Variants in CTNNA2 observed in about 807,000 individuals in gnomAD.
CTNNA2 encodes the protein catenin alpha 2.
CTNNA2 carries 42 observed loss-of-function variants against 101.0 expected under a neutral mutation model. That is an observed-to-expected ratio of 0.42 (90% CI 0.32 to 0.54). The LOEUF (loss-of-function observed/expected upper bound fraction) is 0.54, where lower values mean the gene tolerates loss of function less well. CTNNA2 is among the 20% of genes least tolerant of loss of function. The pLI is 0.14. For missense variants in CTNNA2, 871 were observed against 1,223.1 expected (o/e 0.71, Z 4.29); for synonymous variants, 450 against 456.4 (o/e 0.99, Z 0.18).
intron 7 of CTNNA2, among the ~76,000 whole-genome samples, chr2:80,306,452 C>CTTTCTTTCTT (rs1396803931): frequency 2.2e-5 from 3 of 135,306 alleles, no homozygotes; most frequent in African/African-American, 5.5e-5. Flanking sequence ...TTCTTTCTTT[C>CTTTCTTTCTT]TCTCTCTCTC....
chr2:79,338,237 C>T (rs1183816180), intron 3 of CTNNA2, among the ~76,000 whole-genome samples: 1 of 16,342 alleles, frequency 6.1e-5, no homozygotes, highest in Non-Finnish European at 1.1e-4. Flanking sequence ...CAGAACCAGA[C>T]TCCATCTCAA....
At chr2:79,422,643 A>C (rs1354408750) in intron 4 of CTNNA2, among the ~76,000 whole-genome samples, 1 of 152,238 alleles carries the variant, frequency 6.6e-6, no homozygotes, top group African/African-American at 2.4e-5. Flanking sequence ...TTTAAATTGG[A>C]AATCAGCGCT....
chr2:80,060,986 C>T (rs1404717259), intron 7 of CTNNA2, among the ~76,000 whole-genome samples: 3 of 152,084 alleles, frequency 2.0e-5, no homozygotes, highest in Non-Finnish European at 4.4e-5. Context: ...GAACTACCCC[C>T]TGGAATGGCC....
At chr2:80,192,792 C>T (rs551307587) in intron 7 of CTNNA2, among the ~76,000 whole-genome samples, 1 of 152,276 alleles carries the variant, frequency 6.6e-6, no homozygotes, top group Admixed American at 6.5e-5. Flanking sequence ...GGATTACAGG[C>T]GCGAGCCACC....
chr2:79,618,863 G>A (rs905383906), intron 1 of CTNNA2, among the ~76,000 whole-genome samples: 34 of 152,182 alleles, frequency 2.2e-4, no homozygotes, highest in African/African-American at 8.2e-4. Context: ...CCAGGCTATT[G>A]GAGAGAAGGG....
intron 7 of CTNNA2, among the ~76,000 whole-genome samples, chr2:80,080,948 T>TAAAAAAAAAAAAAA (rs79785271): frequency 1.1e-5 from 1 of 87,590 alleles, no homozygotes; most frequent in Non-Finnish European, 2.1e-5. Context: ...TTCTCCCACT[T>TAAAAAAAAAAAAAA]AAAAAAAAAA....
chr2:79,238,947 T>A (rs182215131), intron 2 of CTNNA2, among the ~76,000 whole-genome samples: 28 of 152,324 alleles, frequency 1.8e-4, no homozygotes, highest in Admixed American at 5.9e-4. Context: ...AAAGTGCTTT[T>A]TAAAAATAAA....
chr2:80,492,471 A>G (rs1191073886), intron 9 of CTNNA2, among the ~76,000 whole-genome samples: 1 of 152,226 alleles, frequency 6.6e-6, no homozygotes, highest in Non-Finnish European at 1.5e-5. Context: ...CCTTATACAC[A>G]TTCATGCTAC....
upstream of CTNNA2, among the ~76,000 whole-genome samples, chr2:79,512,566 C>G (rs1056773602): frequency 1.3e-5 from 2 of 150,960 alleles, no homozygotes; most frequent in Non-Finnish European, 3.0e-5. Context: ...CACCCCTATC[C>G]CCCCCGCCCC....
intron 7 of CTNNA2, among the ~76,000 whole-genome samples, chr2:80,255,852 C>T (rs1672099225): frequency 6.6e-6 from 1 of 152,122 alleles, no homozygotes; most frequent in Non-Finnish European, 1.5e-5. Flanking sequence ...GTGCTGTTGC[C>T]ATTGTCTTTT....
chr2:79,821,932 G>T (rs1005088640), intron 3 of CTNNA2, among the ~76,000 whole-genome samples: 1 of 152,110 alleles, frequency 6.6e-6, no homozygotes, highest in Non-Finnish European at 1.5e-5. Context: ...CTTAAGAAAA[G>T]TATAGCAATG....
chr2:79,723,111 A>C (rs1686593620), intron 2 of CTNNA2, among the ~76,000 whole-genome samples: 1 of 152,136 alleles, frequency 6.6e-6, no homozygotes, highest in African/African-American at 2.4e-5. Flanking sequence ...CCATAAGAAA[A>C]GTTTTCTGCC....
At chr2:80,306,106 G>A (rs928369843) in intron 7 of CTNNA2, among the ~76,000 whole-genome samples, 11 of 152,212 alleles carry the variant, frequency 7.2e-5, no homozygotes, top group Admixed American at 5.2e-4. Context: ...TACTTTTCAG[G>A]AAAAGTCATA....
intron 7 of CTNNA2, among the ~76,000 whole-genome samples, chr2:80,264,193 G>A (rs1268236311): frequency 2.0e-5 from 3 of 152,038 alleles, no homozygotes; most frequent in South Asian, 2.1e-4. Context: ...CTTGACAGAT[G>A]CATGTTGCCA....
chr2:79,937,566 A>G (rs1416888990), intron 7 of CTNNA2, among the ~76,000 whole-genome samples: 2 of 152,234 alleles, frequency 1.3e-5, no homozygotes, highest in African/African-American at 2.4e-5. Context: ...GTATATTACT[A>G]TGCCTTCAAA....
At position 80,187,504 on chromosome 2, in the gene CTNNA2, A is replaced by G. The variant is rs184468058; in HGVS notation, c.1057-205707A>G. ...ATCTATACTTCCCGTGGAAACGGCT[A>G]TTCTAAATAGGGCCTTTCCTTTTTT... is the stretch of plus-strand genomic sequence containing the variant. On this transcript the variant is annotated intron_variant, in intron 7 of 18. Transcript: ENST00000402739. 2.6e-5 allele frequency among the ~76,000 whole-genome samples: 4 copies of G among 152,336 alleles called. No homozygotes were observed. In the East Asian group the frequency reaches 5.8e-4, roughly 22 times the overall value.
At chr2:80,131,186 G>A (rs1393681028) in intron 7 of CTNNA2, among the ~76,000 whole-genome samples, 1 of 152,104 alleles carries the variant, frequency 6.6e-6, no homozygotes, top group Non-Finnish European at 1.5e-5. Context: ...AGCCTCCAGA[G>A]TAGCCAGGAC....
At chr2:80,030,313 A>G (rs1022165774) in intron 7 of CTNNA2, among the ~76,000 whole-genome samples, 4 of 152,024 alleles carry the variant, frequency 2.6e-5, no homozygotes, top group East Asian at 1.9e-4. Flanking sequence ...TCTTCCTCCA[A>G]TTCTTAATGA....
intron 7 of CTNNA2, among the ~76,000 whole-genome samples, chr2:79,951,132 G>C (rs989372713): frequency 6.6e-6 from 1 of 152,128 alleles, no homozygotes; most frequent in African/African-American, 2.4e-5. Context: ...CAAAAGAGCA[G>C]AAAACTACAT....
Sources: allele counts gnomAD v4.1 joint callset (sites outside exome capture counted in the v4.1 genomes callset), GRCh38; gene constraint gnomAD v4.1.1; transcripts MANE v1.5; gene names NCBI Gene and HGNC (gene_info 2026-07-23, HGNC 2026-07-21).